The following RPTOR variants were observed in gnomAD, a reference collection of about 807,000 sequenced individuals.
RPTOR encodes the protein regulatory-associated protein of mTOR.
Under a neutral mutation model 169.9 loss-of-function variants are expected in RPTOR, and 21 were observed. The ratio of observed to expected loss-of-function variants is 0.12; its 90% confidence interval spans 0.09 to 0.18. The LOEUF (loss-of-function observed/expected upper bound fraction) is 0.18. Among genes scored for constraint, RPTOR ranks in the 10% least tolerant of loss-of-function variants. The pLI, the probability that RPTOR is intolerant of heterozygous loss-of-function variation, is 1.00. For synonymous variants in RPTOR, 732 were observed against 753.2 expected (o/e 0.97, Z 0.46); for missense variants, 1,133 against 1,855.9 (o/e 0.61, Z 7.16).
intron 9 of RPTOR, among the ~76,000 whole-genome samples, chr17:80,830,227 C>T (rs573766904): frequency 6.6e-6 from 1 of 152,288 alleles, no homozygotes. Flanking sequence ...GCTCCACTGG[C>T]CTCAGTTTCC....
chr17:80,910,879 G>C (rs2068604496), intron 21 of RPTOR, among the ~76,000 whole-genome samples: 1 of 151,000 alleles, frequency 6.6e-6, no homozygotes, highest in Admixed American at 6.6e-5. Context: ...TTGCCAGGCT[G>C]GAGTGCAGTG....
chr17:80,836,423 T>A (rs1267705805), intron 9 of RPTOR, among the ~76,000 whole-genome samples: 1 of 152,140 alleles, frequency 6.6e-6, no homozygotes, highest in Non-Finnish European at 1.5e-5. Context: ...ACCTGCAGGA[T>A]GTCTGTAATT....
At chr17:80,662,242 CAGAGGCT>C (rs1406915842) in intron 3 of RPTOR, among the ~76,000 whole-genome samples, 2 of 152,188 alleles carry the variant, frequency 1.3e-5, no homozygotes, top group Admixed American at 1.3e-4. Context: ...CTCCTATCAC[CAGAGGCT>C]AGTTTTGCCC....
At chr17:80,898,427 C>G (rs1411831742) in intron 20 of RPTOR, among the ~76,000 whole-genome samples, 1 of 152,110 alleles carries the variant, frequency 6.6e-6, no homozygotes, top group African/African-American at 2.4e-5. Context: ...TCTTCAAGTT[C>G]TAACTTTTAG....
intron 30 of RPTOR, chr17:80,961,106 G>A (rs778393472): frequency 5.7e-5 from 25 of 434,792 alleles, no homozygotes; most frequent in African/African-American, 9.9e-5. Flanking sequence ...CCTGGCCCCC[G>A]TCTCTGGGCA....
At chr17:80,849,337 C>T (rs1027527381) in intron 11 of RPTOR, among the ~76,000 whole-genome samples, 1 of 152,200 alleles carries the variant, frequency 6.6e-6, no homozygotes, top group African/African-American at 2.4e-5. Context: ...TCCAGGGTCA[C>T]GCACGGTGTC....
chr17:80,657,468 C>T (rs965216274), intron 3 of RPTOR, among the ~76,000 whole-genome samples: 17 of 152,164 alleles, frequency 1.1e-4, no homozygotes, highest in Admixed American at 1.1e-3. Flanking sequence ...AGCTGACTTT[C>T]CTTCTTTTTT....
intron 7 of RPTOR, among the ~76,000 whole-genome samples, chr17:80,796,206 T>TA (rs1203393970): frequency 6.6e-6 from 1 of 152,116 alleles, no homozygotes. Context: ...TAGCTATAAA[T>TA]ATAAAGGGGA....
rs149839460 is a variant in RPTOR, at chr17:80,549,469, C to T, written c.162+3678C>T. Among the ~76,000 whole-genome samples, 56 of 152,266 alleles carry T rather than the reference C, an allele frequency of 3.7e-4. No homozygotes were observed. In the East Asian group the frequency reaches 0.01, roughly 27 times the overall value. On this transcript the variant is annotated intron_variant, in intron 1 of 33. Coordinates refer to ENST00000306801, the MANE Select transcript of RPTOR (RefSeq NM_020761.3). The stretch of plus-strand genomic sequence containing the variant: ...GGATTACAGGTGCCCACCACCATGC[C>T]TGGCCAATTTTTTTCATATTTTTAT...
chr17:80,634,594 G>GCA (rs1250179151), intron 2 of RPTOR, among the ~76,000 whole-genome samples: 2 of 36,588 alleles, frequency 5.5e-5, no homozygotes, highest in Non-Finnish European at 1.1e-4. Context: ...CGTACTGTGT[G>GCA]TGTGCGTACT....
intron 6 of RPTOR, among the ~76,000 whole-genome samples, chr17:80,759,346 A>G (rs944760737): frequency 6.6e-6 from 1 of 152,192 alleles, no homozygotes; most frequent in Non-Finnish European, 1.5e-5. Flanking sequence ...TGTAGGAGTT[A>G]GGACATAGTC....
Position 80,649,824 on chromosome 17 carries a change from G to A in RPTOR, c.348+6014G>A, listed in dbSNP as rs143484310. On this transcript the variant is annotated intron_variant, in intron 3 of 33. Coordinates refer to ENST00000306801, the MANE Select transcript of RPTOR (RefSeq NM_020761.3). ...CTCGCCTGAAAGCTTTTCCACGTGC[G>A]TGCCGTGTTCAGTGAGAACTCTGAT... 1.7e-3 allele frequency among the ~76,000 whole-genome samples: 259 copies of A among 152,226 alleles called. 1 individual carries two copies. Among genetic ancestry groups the A allele is most frequent in the African/African-American group, 6.0e-3 (251 of 41,542 alleles).
intron 6 of RPTOR, among the ~76,000 whole-genome samples, chr17:80,782,948 C>T (rs190446754): frequency 1.3e-3 from 205 of 152,288 alleles, no homozygotes; most frequent in African/African-American, 4.7e-3. Context: ...TAAATGGGCT[C>T]CTCCAGGGCA....
At chr17:80,607,160 C>A (rs2065235240) in intron 1 of RPTOR, among the ~76,000 whole-genome samples, 1 of 152,094 alleles carries the variant, frequency 6.6e-6, no homozygotes, top group Non-Finnish European at 1.5e-5. Flanking sequence ...GTCTTGAACG[C>A]CCCCCTTGCC....
intron 21 of RPTOR, among the ~76,000 whole-genome samples, chr17:80,916,985 C>A (rs957303389): frequency 3.9e-5 from 6 of 151,958 alleles, no homozygotes; most frequent in African/African-American, 1.5e-4. Flanking sequence ...AGACTCTTAT[C>A]TGAAAAAAGT....
chr17:80,894,369 C>T (rs1045038515), intron 20 of RPTOR, among the ~76,000 whole-genome samples: 7 of 152,184 alleles, frequency 4.6e-5, no homozygotes, highest in African/African-American at 4.8e-5. Flanking sequence ...GCCCTGCGGT[C>T]GGGCTGGGGG....
intron 3 of RPTOR, among the ~76,000 whole-genome samples, chr17:80,649,892 C>T (rs947783459): frequency 5.3e-5 from 8 of 152,210 alleles, no homozygotes; most frequent in Non-Finnish European, 8.8e-5. Context: ...GCCCTGCCCA[C>T]GCACTTCCTG....
intron 14 of RPTOR, among the ~76,000 whole-genome samples, chr17:80,881,816 CGTCTCCACTCA>C (rs2068189241): frequency 6.6e-6 from 1 of 152,146 alleles, no homozygotes; most frequent in Non-Finnish European, 1.5e-5. Flanking sequence ...AGTGAGACCC[CGTCTCCACTCA>C]ATAAATAAAT....
At chr17:80,922,175 G>A (rs2068753237) in intron 21 of RPTOR, among the ~76,000 whole-genome samples, 1 of 152,244 alleles carries the variant, frequency 6.6e-6, no homozygotes, top group Non-Finnish European at 1.5e-5. Context: ...GGTCCCGGGT[G>A]GATGAAGCAC....
Sources: allele counts gnomAD v4.1 joint callset (sites outside exome capture counted in the v4.1 genomes callset), GRCh38; gene constraint gnomAD v4.1.1; transcripts MANE v1.5; gene names NCBI Gene and HGNC (gene_info 2026-07-23, HGNC 2026-07-21).